Variants in PAX5 observed in about 807,000 individuals in gnomAD.
The protein encoded by PAX5 is paired box 5.
A neutral mutation model predicts 43.7 loss-of-function variants in PAX5; 9 were observed. The observed-to-expected ratio is 0.21, with a 90% confidence interval of 0.12 to 0.36. PAX5 has a LOEUF of 0.36. Ranked by LOEUF, PAX5 falls within the 10% of genes least tolerant of loss-of-function variation. The probability of loss-of-function intolerance (pLI) is 1.00; values close to 1 mark genes in which losing one functional copy is unlikely to be tolerated. For synonymous variants in PAX5, 228 were observed against 214.3 expected (o/e 1.06, Z -0.56); for missense variants, 383 against 532.7 (o/e 0.72, Z 2.77).
chr9:36,918,489 C>T (rs111989275), intron 7 of PAX5, among the ~76,000 whole-genome samples: 2,572 of 152,010 alleles, frequency 0.017, 75 homozygotes, highest in African/African-American at 0.059. Flanking sequence ...ATAGAAAAAC[C>T]CTGTCTCTAC....
chr9:36,967,422 CTGG>C (rs1834540754), intron 5 of PAX5, among the ~76,000 whole-genome samples: 1 of 152,178 alleles, frequency 6.6e-6, no homozygotes, highest in Non-Finnish European at 1.5e-5. Flanking sequence ...TAGCAAAAGA[CTGG>C]AAACAACCCA....
At chr9:36,891,568 C>T (rs1169751887) in intron 7 of PAX5, among the ~76,000 whole-genome samples, 3 of 152,096 alleles carry the variant, frequency 2.0e-5, no homozygotes, top group African/African-American at 7.2e-5. Flanking sequence ...ATATTTCACC[C>T]GGAGGGGAAG....
At chr9:37,010,321 T>G (rs145486545) in intron 3 of PAX5, among the ~76,000 whole-genome samples, 7 of 152,254 alleles carry the variant, frequency 4.6e-5, no homozygotes, top group Middle Eastern at 3.4e-3. Context: ...CATCAAACTC[T>G]TCCTATGAAT....
chr9:36,901,745 A>G (rs1828413592), intron 7 of PAX5, among the ~76,000 whole-genome samples: 1 of 152,212 alleles, frequency 6.6e-6, no homozygotes, highest in South Asian at 2.1e-4. Context: ...TCACCAGCCC[A>G]GGTGGCATAA....
intron 8 of PAX5, among the ~76,000 whole-genome samples, chr9:36,867,006 C>T (rs952914248): frequency 2.2e-5 from 3 of 139,528 alleles, no homozygotes; most frequent in African/African-American, 8.3e-5. Flanking sequence ...AATGTCTTTG[C>T]CGCTGCCCCC....
chr9:36,940,497 C>T (rs555688519), intron 6 of PAX5, among the ~76,000 whole-genome samples: 2 of 152,226 alleles, frequency 1.3e-5, no homozygotes, highest in African/African-American at 4.8e-5. Context: ...CGCAGTGAGG[C>T]GCGGTAAATC....
At chr9:36,897,329 A>C (rs1827954560) in intron 7 of PAX5, among the ~76,000 whole-genome samples, 1 of 152,070 alleles carries the variant, frequency 6.6e-6, no homozygotes, top group Non-Finnish European at 1.5e-5. Context: ...AAGGATGCTA[A>C]AGTTCAACCA....
At chr9:37,026,443 C>A (rs553646524) in intron 1 of PAX5, 12 of 1,107,456 alleles carry the variant, frequency 1.1e-5, no homozygotes, top group Admixed American at 2.4e-5. Flanking sequence ...GGTCCGAGAT[C>A]CTTCCGGCCT....
intron 8 of PAX5, among the ~76,000 whole-genome samples, chr9:36,873,555 A>C (rs574302362): frequency 6.6e-6 from 1 of 152,254 alleles, no homozygotes; most frequent in Non-Finnish European, 1.5e-5. Flanking sequence ...TGCCCAGGCC[A>C]GAGAGCTACC....
At chr9:36,875,869 C>A (rs775957732) in intron 8 of PAX5, among the ~76,000 whole-genome samples, 2 of 152,226 alleles carry the variant, frequency 1.3e-5, no homozygotes, top group African/African-American at 2.4e-5. Flanking sequence ...CCAGAAGAAA[C>A]AAGCCCTGCA....
chr9:36,983,528 G>T lies in PAX5; in HGVS notation c.605-16804C>A, dbSNP rs1033964131. 5.3e-5 allele frequency among the ~76,000 whole-genome samples: 8 copies of T among 152,166 alleles called. 1 individual carries two copies. The South Asian group carries it at 1.7e-3, about 32-fold the overall frequency. ...ATTTTTTAAATTATGTGTATGAGTG[G>T]ATTCTATTTCCTCTAAATTTCATTT... On this transcript the variant is annotated intron_variant, in intron 5 of 9. Transcript: ENST00000358127.
At chr9:37,033,897 C>G (rs1841262347) in intron 1 of PAX5, 89 bp downstream of exon 1, 1 of 1,180,004 alleles carries the variant, frequency 8.5e-7, no homozygotes, top group Non-Finnish European at 1.3e-6. Flanking sequence ...GCGGCGCGCC[C>G]CCTCCTCCTC....
At chr9:36,894,436 C>A (rs992215727) in intron 7 of PAX5, among the ~76,000 whole-genome samples, 2 of 152,152 alleles carry the variant, frequency 1.3e-5, no homozygotes, top group African/African-American at 4.8e-5. Flanking sequence ...CCCAGACTGG[C>A]CTTCTGGATT....
intron 3 of PAX5, among the ~76,000 whole-genome samples, chr9:37,014,659 G>T (rs1839241170): frequency 6.6e-6 from 1 of 152,212 alleles, no homozygotes; most frequent in Non-Finnish European, 1.5e-5. Context: ...AGCGACATTT[G>T]TGAAGATCTA....
In PAX5 at chr9:36,841,919, C is replaced by T. The variant is rs183022485; in HGVS notation, c.1100-1283G>A. 9.2e-5 allele frequency among the ~76,000 whole-genome samples: 14 copies of T among 152,224 alleles called. No individual in the cohort carries two copies. In the East Asian group the frequency reaches 1.7e-3, roughly 19 times the overall value. On this transcript the variant is annotated intron_variant, in intron 9 of 9. Transcript: ENST00000358127. ...AGTTGGCTTTTGGATTAGGGAGAGT[C>T]GACCTGTACCATAACTGGGGGCTGA...
intron 1 of PAX5, among the ~76,000 whole-genome samples, chr9:37,029,999 G>C (rs1588282028): frequency 6.6e-6 from 1 of 152,314 alleles, no homozygotes; most frequent in African/African-American, 2.4e-5. Flanking sequence ...CGAAGAACTC[G>C]GCTGGAATAT....
chr9:36,948,667 G>A (rs1832747943), intron 6 of PAX5, among the ~76,000 whole-genome samples: 1 of 152,034 alleles, frequency 6.6e-6, no homozygotes, highest in African/African-American at 2.4e-5. Flanking sequence ...TAAAAACAGA[G>A]AAAGTCTGGG....
At chr9:37,018,706 T>C (rs1232915306) in intron 2 of PAX5, among the ~76,000 whole-genome samples, 2 of 152,108 alleles carry the variant, frequency 1.3e-5, no homozygotes, top group Non-Finnish European at 2.9e-5. Flanking sequence ...GGTTCTTAGT[T>C]ATGAAAATAA....
intron 5 of PAX5, among the ~76,000 whole-genome samples, chr9:36,981,185 GC>G (rs55996619): frequency 0.38 from 40,558 of 106,456 alleles, 6,146 homozygotes; most frequent in Middle Eastern, 0.46. Context: ...AAACAGCAAA[GC>G]CCCCCCCCCC....
Sources: allele counts gnomAD v4.1 joint callset (sites outside exome capture counted in the v4.1 genomes callset), GRCh38; gene constraint gnomAD v4.1.1; transcripts MANE v1.5; gene names NCBI Gene and HGNC (gene_info 2026-07-23, HGNC 2026-07-21).